ZFPM2: variants seen among roughly 807,000 people sequenced by gnomAD.
The protein encoded by ZFPM2 is zinc finger protein ZFPM2.
In ZFPM2, 20 loss-of-function variants were observed where a neutral mutation model predicts 98.6. The ratio of observed to expected loss-of-function variants is 0.20; its 90% CI spans 0.14 to 0.29. The LOEUF (loss-of-function observed/expected upper bound fraction) is 0.29, where lower values mean the gene tolerates loss of function less well. Among genes scored for constraint, ZFPM2 ranks in the 10% least tolerant of loss-of-function variants. The probability of loss-of-function intolerance (pLI) is 1.00; values close to 1 mark genes in which losing one functional copy is unlikely to be tolerated. For missense variants in ZFPM2, 1,310 were observed against 1,388.6 expected, an observed-to-expected ratio of 0.94 and a Z score of 0.90; for synonymous variants, 518 against 502.7, an observed-to-expected ratio of 1.03 and a Z score of -0.41.
In ZFPM2 at chr8:105,765,158, T is replaced by C. The variant is rs150962798; in HGVS notation, c.533-23560T>C. Among the ~76,000 whole-genome samples the C allele has an allele frequency of 7.8e-3, 1,186 of 151,960 alleles. 17 individuals are homozygous for C. The highest frequency in any genetic ancestry group is 0.027 in the African/African-American group (1,127 of 41,520). ...TTTAGAGGTCCTGAATCATTTAATA[T>C]GAATTTTGCTGTAAAAATCACAGTA... On this transcript the variant is annotated intron_variant, in intron 5 of 7. Coordinates refer to ENST00000407775, the MANE Select transcript of ZFPM2 (RefSeq NM_012082.4).
intron 5 of ZFPM2, among the ~76,000 whole-genome samples, chr8:105,764,336 A>T (rs1812810365): frequency 6.6e-6 from 1 of 151,160 alleles, no homozygotes; most frequent in South Asian, 2.1e-4. Context: ...ATATTTGGAA[A>T]TACTCAAAAT....
At chr8:105,613,145 G>T (rs1816339964) in intron 4 of ZFPM2, among the ~76,000 whole-genome samples, 2 of 152,252 alleles carry the variant, frequency 1.3e-5, no homozygotes, top group Admixed American at 6.5e-5. Context: ...CAAAATAGGT[G>T]ATTGTGTGAT....
At chr8:105,539,104 C>G (rs2130619354) in intron 3 of ZFPM2, among the ~76,000 whole-genome samples, 1 of 152,254 alleles carries the variant, frequency 6.6e-6, no homozygotes, top group Non-Finnish European at 1.5e-5. Context: ...CCTCTTGCCC[C>G]TTTTGTTTCA....
chr8:105,346,989 A>G (rs1483351459), intron 1 of ZFPM2, among the ~76,000 whole-genome samples: 1 of 152,186 alleles, frequency 6.6e-6, no homozygotes, highest in Non-Finnish European at 1.5e-5. Context: ...AGCCATAGGT[A>G]CAATGCAGAA....
chr8:105,483,787 C>T lies in ZFPM2; in HGVS notation c.301+39406C>T, dbSNP rs186854174. 2.5e-3 allele frequency among the ~76,000 whole-genome samples: 363 copies of T among 146,030 alleles called. 4 individuals carry two copies. The highest frequency in any genetic ancestry group is 9.0e-3 in the African/African-American group (354 of 39,180). Reference sequence around the variant, plus strand: ...TTTTTGAGGTGGAGTCTTGCTCTGTCCAGTGGCGCGATCTTGGCTCACTGC... The same window carrying T: ...TTTTTGAGGTGGAGTCTTGCTCTGTTCAGTGGCGCGATCTTGGCTCACTGC... On this transcript the variant is annotated intron_variant, in intron 3 of 7. Coordinates refer to ENST00000407775, the MANE Select transcript of ZFPM2 (RefSeq NM_012082.4).
chr8:105,353,299 C>T (rs1812683326), intron 1 of ZFPM2, among the ~76,000 whole-genome samples: 1 of 152,080 alleles, frequency 6.6e-6, no homozygotes, highest in African/African-American at 2.4e-5. Context: ...GTTCAGATGT[C>T]CCCCTAGTAG....
chr8:105,444,129 A>T, intron 2 of ZFPM2, 151 bp from the exon 3 acceptor site: 1 of 608,302 alleles, frequency 1.6e-6, no homozygotes, highest in Non-Finnish European at 2.9e-6. Flanking sequence ...AATAGATATC[A>T]AAATAGTCAT....
At chr8:105,331,142 A>G (rs1423275716) in intron 1 of ZFPM2, among the ~76,000 whole-genome samples, 1 of 144,746 alleles carries the variant, frequency 6.9e-6, no homozygotes, top group Non-Finnish European at 1.5e-5. Flanking sequence ...AACTGGGTAT[A>G]TATTATATTT....
At chr8:105,708,555 G>A (rs1325816403) in intron 5 of ZFPM2, among the ~76,000 whole-genome samples, 2 of 151,714 alleles carry the variant, frequency 1.3e-5, no homozygotes, top group East Asian at 1.9e-4. Context: ...TCAGCCTCCC[G>A]AGTAGTTGGG....
rs532682366 is a variant in ZFPM2 at position 105,362,549 on chromosome 8, T to C, written c.40+43568T>C. The stretch of plus-strand genomic sequence containing the variant: ...GTTTATTGCTGCGTTCTGTTGATTA[T>C]ATTTATTTATTTTTAATTTTATTGA... On this transcript the variant is annotated intron_variant, in intron 1 of 7. Transcript: ENST00000407775. Among the ~76,000 whole-genome samples the C allele has an allele frequency of 1.1e-4, 17 of 152,262 alleles. No homozygotes were observed. The South Asian group carries it at 3.1e-3, about 28-fold the overall frequency.
rs115409265 is a variant in ZFPM2, at chr8:105,519,881, G to T, written c.302-41482G>T. Among the ~76,000 whole-genome samples the T allele has an allele frequency of 4.6e-3, 696 of 151,668 alleles. 6 individuals are homozygous for T. The highest frequency in any genetic ancestry group is 0.016 in the African/African-American group (659 of 41,340). On this transcript the variant is annotated intron_variant, in intron 3 of 7. Transcript: ENST00000407775. ...TATATTTTGATTAACCTATTGTCTT[G>T]CAATTACTATAGTTATGTAGTAACC...
intron 3 of ZFPM2, among the ~76,000 whole-genome samples, chr8:105,501,191 T>C (rs936243723): frequency 1.3e-5 from 2 of 151,502 alleles, no homozygotes; most frequent in Admixed American, 6.6e-5. Context: ...TCTCTTTTTT[T>C]TTTTTTTTTG....
chr8:105,704,419 A>T (rs1811210530), intron 5 of ZFPM2, among the ~76,000 whole-genome samples: 1 of 152,136 alleles, frequency 6.6e-6, no homozygotes, highest in African/African-American at 2.4e-5. Flanking sequence ...TTGGTATCTT[A>T]CATTTGAAGT....
chr8:105,776,299 G>A (rs1013285639), intron 5 of ZFPM2, among the ~76,000 whole-genome samples: 2 of 152,126 alleles, frequency 1.3e-5, no homozygotes, highest in Non-Finnish European at 2.9e-5. Flanking sequence ...ATAGATTAAT[G>A]AGGCTGTTCA....
At chr8:105,618,985 A>AAT (rs1816475178) in intron 4 of ZFPM2, among the ~76,000 whole-genome samples, 1 of 152,184 alleles carries the variant, frequency 6.6e-6, no homozygotes, top group African/African-American at 2.4e-5. Flanking sequence ...AAATTAAATG[A>AAT]ATATATATTA....
Position 105,643,006 on chromosome 8 carries a change from T to G in ZFPM2, c.532+8649T>G, listed in dbSNP as rs550185483. 3.9e-5 allele frequency among the ~76,000 whole-genome samples: 6 copies of G among 152,276 alleles called. No homozygotes were observed. In the South Asian group the frequency reaches 1.2e-3, roughly 32 times the overall value. On this transcript the variant is annotated intron_variant, in intron 5 of 7. Transcript: ENST00000407775. ...CTGTTGAGGAGCAGGCCTCCAAAAG[T>G]TCCTGAGAGCCATGTTATGGACACA...
chr8:105,564,297 A>G lies in ZFPM2; in HGVS notation c.420+2816A>G, dbSNP rs540822158. ...TTATAGAAAACAATTTTAATACTTC[A>G]GTTTTCTTCTTTTGTCTTAGGCTTT... On this transcript the variant is annotated intron_variant, in intron 4 of 7. Coordinates refer to ENST00000407775, the MANE Select transcript of ZFPM2 (RefSeq NM_012082.4). 2.9e-4 allele frequency among the ~76,000 whole-genome samples: 44 copies of G among 152,056 alleles called. No homozygotes were observed. In the South Asian group the frequency reaches 8.5e-3, roughly 29 times the overall value.
intron 1 of ZFPM2, among the ~76,000 whole-genome samples, chr8:105,405,635 T>G (rs1211957787): frequency 6.6e-6 from 1 of 152,092 alleles, no homozygotes; most frequent in Non-Finnish European, 1.5e-5. Context: ...CTGCATAGTA[T>G]TCCATGGTGT....
At chr8:105,633,464 C>T (rs184061955) in intron 4 of ZFPM2, among the ~76,000 whole-genome samples, 5 of 152,228 alleles carry the variant, frequency 3.3e-5, no homozygotes, top group East Asian at 1.9e-4. Flanking sequence ...AATTTATCCA[C>T]GGAGTTTTAC....
Sources: allele counts gnomAD v4.1 joint callset (sites outside exome capture counted in the v4.1 genomes callset), GRCh38; gene constraint gnomAD v4.1.1; transcripts MANE v1.5; gene names NCBI Gene and HGNC (gene_info 2026-07-23, HGNC 2026-07-21).